CYP2C19: variants seen among roughly 807,000 people sequenced by gnomAD.
CYP2C19 encodes the protein cytochrome P450 2C19.
CYP2C19 carries 59 observed loss-of-function variants against 40.9 expected under a neutral mutation model. The ratio of observed to expected loss-of-function variants is 1.44; its 90% CI spans 1.17 to 1.79. The LOEUF is 1.79. Among genes scored for constraint, CYP2C19 ranks in the 40% most tolerant of loss-of-function variants. CYP2C19 has a pLI of 0.00. For synonymous variants in CYP2C19, 253 were observed against 208.7 expected, an observed-to-expected ratio of 1.21 and a Z score of -1.83; for missense variants, 754 against 596.9, an observed-to-expected ratio of 1.26 and a Z score of -2.74.
chr10:94,805,526 C>T (rs1848820164), intron 5 of CYP2C19, among the ~76,000 whole-genome samples: 2 of 152,130 alleles, frequency 1.3e-5, no homozygotes, highest in Admixed American at 1.3e-4. Flanking sequence ...GTTGTGCAAA[C>T]ATCACTGCCA....
chr10:94,835,991 GTTCCCC>G (rs1389635745), intron 6 of CYP2C19, among the ~76,000 whole-genome samples: 5 of 152,162 alleles, frequency 3.3e-5, no homozygotes, highest in Admixed American at 2.0e-4. Context: ...ACCTCTAAAA[GTTCCCC>G]TCGAGTGGTG....
intron 8 of CYP2C19, among the ~76,000 whole-genome samples, chr10:94,851,713 A>T (rs951682656): frequency 6.6e-6 from 1 of 152,138 alleles, no homozygotes; most frequent in African/African-American, 2.4e-5. Context: ...AGAAGCACAA[A>T]AAAAGCAAAA....
chr10:94,824,536 G>A (rs181635441), intron 6 of CYP2C19, among the ~76,000 whole-genome samples: 20 of 152,254 alleles, frequency 1.3e-4, no homozygotes, highest in African/African-American at 4.1e-4. Context: ...ATATATATGC[G>A]TAAATCTGTT....
At chr10:94,837,379 T>C (rs1849421104) in intron 6 of CYP2C19, among the ~76,000 whole-genome samples, 1 of 152,068 alleles carries the variant, frequency 6.6e-6, no homozygotes, top group Non-Finnish European at 1.5e-5. Flanking sequence ...AGGACAGGCA[T>C]TCTTTGCTCA....
At chr10:94,827,764 T>C (rs984468723) in intron 6 of CYP2C19, among the ~76,000 whole-genome samples, 1 of 152,152 alleles carries the variant, frequency 6.6e-6, no homozygotes, top group Non-Finnish European at 1.5e-5. Context: ...TTAGGGTGTC[T>C]ATTTTGGATC....
At chr10:94,818,477 G>A (rs1175069863) in intron 5 of CYP2C19, among the ~76,000 whole-genome samples, 1 of 150,602 alleles carries the variant, frequency 6.6e-6, no homozygotes, top group Non-Finnish European at 1.5e-5. Flanking sequence ...AAATTACCTT[G>A]GGCAGTATGG....
chr10:94,834,440 A>G (rs1175303631), intron 6 of CYP2C19, among the ~76,000 whole-genome samples: 5 of 152,034 alleles, frequency 3.3e-5, no homozygotes, highest in Admixed American at 3.3e-4. Context: ...TCTCAAAGAA[A>G]CAACTTTTTG....
At chr10:94,823,909 C>T (rs1456837220) in intron 6 of CYP2C19, among the ~76,000 whole-genome samples, 1 of 152,090 alleles carries the variant, frequency 6.6e-6, no homozygotes, top group Non-Finnish European at 1.5e-5. Context: ...TGCCTTGCAC[C>T]AGGCCTAGAA....
intron 3 of CYP2C19, chr10:94,776,554 T>C (rs1848410124): frequency 6.6e-6 from 1 of 152,208 alleles, no homozygotes; most frequent in South Asian, 2.1e-4. Flanking sequence ...AGCTGTTCAA[T>C]GCCTTGCTAT....
At chr10:94,779,289 T>C (rs146862729) in intron 3 of CYP2C19, among the ~76,000 whole-genome samples, 143 of 152,136 alleles carry the variant, frequency 9.4e-4, no homozygotes, top group Admixed American at 1.8e-3. Flanking sequence ...AAATTAAAAA[T>C]TAAAAAATAT....
At chr10:94,774,223 G>A (rs1284072706) in intron 1 of CYP2C19, 7 of 152,092 alleles carry the variant, frequency 4.6e-5, no homozygotes, top group Admixed American at 4.6e-4. Flanking sequence ...GTTAGTCCAT[G>A]GGTAATTATT....
At chr10:94,801,009 C>A (rs1848756792) in intron 5 of CYP2C19, among the ~76,000 whole-genome samples, 1 of 152,170 alleles carries the variant, frequency 6.6e-6, no homozygotes, top group South Asian at 2.1e-4. Context: ...CTTCAGCTCA[C>A]CCTCCATGGG....
intron 5 of CYP2C19, among the ~76,000 whole-genome samples, chr10:94,793,890 CAGAT>C (rs1848644686): frequency 6.6e-6 from 1 of 152,162 alleles, no homozygotes; most frequent in Non-Finnish European, 1.5e-5. Flanking sequence ...TCAAAGCTGT[CAGAT>C]AGGGACGTTT....
chr10:94,851,641 G>T (rs1301390234), intron 8 of CYP2C19, among the ~76,000 whole-genome samples: 2 of 152,066 alleles, frequency 1.3e-5, no homozygotes. Context: ...GTGTCAGCAA[G>T]TTCACTGTCT....
intron 3 of CYP2C19, 116 bp from the exon 4 acceptor site, chr10:94,780,383 G>A: frequency 3.7e-6 from 5 of 1,340,174 alleles, no homozygotes; most frequent in Non-Finnish European, 5.1e-6. Context: ...GCTTTTAAGG[G>A]AATTCATAGG....
chr10:94,845,631 A>G (rs1849562588), intron 7 of CYP2C19, among the ~76,000 whole-genome samples: 1 of 152,146 alleles, frequency 6.6e-6, no homozygotes, highest in African/African-American at 2.4e-5. Flanking sequence ...GACATGTTTC[A>G]AATTAATTTT....
intron 1 of CYP2C19, 195 bp from the exon 2 acceptor site, chr10:94,774,863 G>GT (rs749689148): frequency 6.2e-5 from 38 of 614,586 alleles, no homozygotes; most frequent in Non-Finnish European, 1.0e-4. Flanking sequence ...TCTGACCATT[G>GT]CCTTGAACAT....
chr10:94,845,660 A>G (rs1230189004), intron 7 of CYP2C19, among the ~76,000 whole-genome samples: 3 of 152,174 alleles, frequency 2.0e-5, no homozygotes, highest in East Asian at 1.9e-4. Context: ...GTATGGAGTA[A>G]TAATGGTCGT....
chr10:94,843,670 T>C lies in CYP2C19; in HGVS notation c.1149+646T>C, dbSNP rs1001498960. ...TATTCATAATTTATCTCTAGATTCA[T>C]TGGAATTTCTGTGAACAGTACACTG... On this transcript the variant is annotated intron_variant, in intron 7 of 8. Coordinates refer to ENST00000371321, the MANE Select transcript of CYP2C19 (RefSeq NM_000769.4). Among the ~76,000 whole-genome samples the C allele has an allele frequency of 7.9e-5, 12 of 152,230 alleles. No individual in the cohort carries two copies. In the South Asian group the frequency reaches 2.1e-3, roughly 26 times the overall value.
Sources: gnomAD v4.1 joint callset for allele counts (sites outside exome capture counted in the v4.1 genomes callset) on GRCh38, gnomAD v4.1.1 for gene constraint, MANE v1.5 for transcripts, NCBI Gene and HGNC (gene_info 2026-07-23, HGNC 2026-07-21) for gene names.